The following ANGPT4 variants were observed in gnomAD, a reference collection of about 807,000 sequenced individuals.
ANGPT4 encodes the protein angiopoietin 4.
ANGPT4 carries 50 observed loss-of-function variants against 53.0 expected under a neutral mutation model. The observed-to-expected ratio is 0.94, with a 90% confidence interval of 0.75 to 1.20. ANGPT4 has a LOEUF of 1.20. Among genes scored for constraint, ANGPT4 ranks in the 50% most tolerant of loss-of-function variants. ANGPT4 has a pLI of 0.00. For missense variants in ANGPT4, 648 were observed against 637.1 expected (o/e 1.02, Z -0.18); for synonymous variants, 251 against 259.7 (o/e 0.97, Z 0.32).
Position 909,400 on chromosome 20 carries a change from C to A in ANGPT4, c.309+6506G>T, listed in dbSNP as rs149335648. 8.9e-3 allele frequency among the ~76,000 whole-genome samples: 1,356 copies of A among 152,286 alleles called. 12 individuals are homozygous for A. Among genetic ancestry groups the A allele is most frequent in the African/African-American group, 0.023 (960 of 41,548 alleles). ...ACCCAGGCGATGTGTGTATCATCAC[C>A]TCAATTTTATAGATTGAAAAACTGA... On this transcript the variant is annotated intron_variant, in intron 1 of 8. Coordinates refer to ENST00000381922, the MANE Select transcript of ANGPT4 (RefSeq NM_015985.4).
chr20:878,070 G>C, intron 7 of ANGPT4, 91 bp downstream of exon 7: 1 of 1,401,448 alleles, frequency 7.1e-7, no homozygotes, highest in Non-Finnish European at 9.6e-7. Context: ...CTGACCGTTG[G>C]AGCAGACTCT....
At chr20:898,740 C>T (rs1982156208) in intron 1 of ANGPT4, among the ~76,000 whole-genome samples, 1 of 152,210 alleles carries the variant, frequency 6.6e-6, no homozygotes, top group East Asian at 1.9e-4. Flanking sequence ...CAGCCACATC[C>T]AGCACACAAG....
intron 3 of ANGPT4, 31 bp from the exon 4 acceptor site, chr20:885,356 C>T (rs937778858): frequency 2.8e-5 from 43 of 1,520,222 alleles, no homozygotes; most frequent in Non-Finnish European, 3.7e-5. Context: ...AGAGGTGAGC[C>T]TGGCATCCTC....
rs73078174 is a variant in ANGPT4 at position 883,230 on chromosome 20, C to T, written c.835+1848G>A. On this transcript the variant is annotated intron_variant, in intron 4 of 8. Transcript: ENST00000381922. ...GCCCATCTGACTGCAAAGCCAGTGCCCTTCCTCCTACACATCTTCCTTTGG... is the reference window on the plus strand; with the variant it reads ...GCCCATCTGACTGCAAAGCCAGTGCTCTTCCTCCTACACATCTTCCTTTGG... Among the ~76,000 whole-genome samples the T allele has an allele frequency of 2.3e-3, 348 of 152,352 alleles. 3 individuals are homozygous for T. Among genetic ancestry groups the T allele is most frequent in the Non-Finnish European group, 4.3e-3 (294 of 68,038 alleles).
At chr20:909,098 C>G (rs1202306417) in intron 1 of ANGPT4, among the ~76,000 whole-genome samples, 1 of 152,162 alleles carries the variant, frequency 6.6e-6, no homozygotes. Context: ...ACTCACCTCC[C>G]TCACTTCTTA....
chr20:873,045 A>G lies in ANGPT4; in HGVS notation c.1427T>C (p.Met476Thr), dbSNP rs760787523. 1 of 1,614,112 alleles carries G rather than the reference A, an allele frequency of 6.2e-7. No homozygotes were observed. Among genetic ancestry groups the G allele is most frequent in the South Asian group, 1.1e-5 (1 of 91,084 alleles). Residue 476 changes from methionine (M) to threonine (T), a missense_variant, in exon 9 of 9, where the codon ATG (methionine) becomes ACG (threonine). Transcript: ENST00000381922. The stretch of plus-strand genomic sequence containing the variant: ...GAAGTAGTGCCAGCGGATGCCGTCC[A>G]TCTTGTACTTGTTGTCGGGAGCGTG... ...YYHAPDNKYK[M>T]DGIRWHYFKG...
chr20:905,031 A>AC (rs1395015962), intron 1 of ANGPT4, among the ~76,000 whole-genome samples: 2 of 151,820 alleles, frequency 1.3e-5, no homozygotes, highest in Non-Finnish European at 1.5e-5. Context: ...TGCTTATTGC[A>AC]CCCCCTCCCA....
intron 1 of ANGPT4, among the ~76,000 whole-genome samples, chr20:900,642 A>T (rs1168451780): frequency 6.6e-6 from 1 of 152,222 alleles, no homozygotes; most frequent in Non-Finnish European, 1.5e-5. Flanking sequence ...ATTAATATAA[A>T]AAGACAGGAA....
At chr20:906,327 G>T (rs1982478953) in intron 1 of ANGPT4, among the ~76,000 whole-genome samples, 1 of 152,172 alleles carries the variant, frequency 6.6e-6, no homozygotes, top group African/African-American at 2.4e-5. Context: ...ACCAGCCACA[G>T]GAGGCCGAGC....
rs765025647 is a variant in ANGPT4, at chr20:881,162, C to A, written c.951+9G>T. 7.7e-6 allele frequency: 12 copies of A among 1,558,994 alleles called. No homozygotes were observed. Among genetic ancestry groups the A allele is most frequent in the Non-Finnish European group, 9.5e-6 (11 of 1,152,926 alleles). On this transcript the variant is annotated intron_variant, in intron 5 of 8. Transcript: ENST00000381922. ...TCTAACAGCCACAGTTCCCAGGGAG[C>A]CCCCTAACCTTCCTGGGCTTCGTTG...
intron 1 of ANGPT4, among the ~76,000 whole-genome samples, chr20:901,484 A>G (rs1568851148): frequency 6.6e-6 from 1 of 151,840 alleles, no homozygotes; most frequent in African/African-American, 2.4e-5. Flanking sequence ...GCCCCACCCC[A>G]TCTCCCTTTG....
intron 5 of ANGPT4, among the ~76,000 whole-genome samples, 162 bp from the exon 6 acceptor site, chr20:880,010 T>A (rs1231909567): frequency 2.6e-5 from 4 of 152,180 alleles, no homozygotes; most frequent in African/African-American, 9.7e-5. Flanking sequence ...TCCCCACCCA[T>A]TGTCATCATT....
At position 888,449 on chromosome 20, in the gene ANGPT4, C is replaced by G. The variant is rs941676691; in HGVS notation, c.466-10G>C. On this transcript the variant is annotated splice_polypyrimidine_tract_variant and intron_variant, in intron 2 of 8. Coordinates refer to ENST00000381922, the MANE Select transcript of ANGPT4 (RefSeq NM_015985.4). ...ATGTCTGGTTCAGGAGCTGCCCCAG[C>G]AAGCAGAAGCAGGTAGGGGGCTGCG... 1 of 1,608,610 alleles carries G rather than the reference C, an allele frequency of 6.2e-7. No individual in the cohort carries two copies.
At chr20:894,063 G>C (rs1981952397) in intron 1 of ANGPT4, among the ~76,000 whole-genome samples, 1 of 152,038 alleles carries the variant, frequency 6.6e-6, no homozygotes, top group South Asian at 2.1e-4. Context: ...GGACCCAAAG[G>C]GGGTTGCTGT....
At chr20:907,543 A>G (rs1338607697) in intron 1 of ANGPT4, among the ~76,000 whole-genome samples, 1 of 152,202 alleles carries the variant, frequency 6.6e-6, no homozygotes, top group Non-Finnish European at 1.5e-5. Context: ...GCTTGGCAAC[A>G]TGCTTATTGA....
intron 1 of ANGPT4, among the ~76,000 whole-genome samples, chr20:891,508 C>T (rs1415266104): frequency 6.6e-6 from 1 of 152,198 alleles, no homozygotes; most frequent in African/African-American, 2.4e-5. Flanking sequence ...AGAGCCAGCT[C>T]CCCTCCACCA....
chr20:873,339 C>T (rs1317283412), intron 8 of ANGPT4, among the ~76,000 whole-genome samples: 1 of 152,082 alleles, frequency 6.6e-6, no homozygotes, highest in East Asian at 1.9e-4. Flanking sequence ...GGGGCTCTGG[C>T]CACTCCTCGA....
chr20:915,298 G>A (rs996296208), intron 1 of ANGPT4, among the ~76,000 whole-genome samples: 5 of 151,086 alleles, frequency 3.3e-5, no homozygotes, highest in African/African-American at 9.8e-5. Flanking sequence ...CCTCTCCTCT[G>A]CTCCAGCTAC....
rs1412721503 is a variant in ANGPT4, at chr20:911,142, G to A, written c.309+4764C>T. On this transcript the variant is annotated intron_variant, in intron 1 of 8. Coordinates refer to ENST00000381922, the MANE Select transcript of ANGPT4 (RefSeq NM_015985.4). This position sits in a 1 kb window ranked among gnomAD's most constrained non-coding sequence, Gnocchi z 4.9. ...TGACTCCCAAACCAGGTCAGTTTGG[G>A]AGGGTCTCAGGCTGGGCAAGGACCC... 2.0e-5 allele frequency among the ~76,000 whole-genome samples: 3 copies of A among 152,152 alleles called. No homozygotes were observed. Among genetic ancestry groups the A allele is most frequent in the Non-Finnish European group, 4.4e-5 (3 of 68,020 alleles).
Sources: gnomAD v4.1 joint callset for allele counts (sites outside exome capture counted in the v4.1 genomes callset) on GRCh38, gnomAD v4.1.1 for gene constraint, Gnocchi (gnomAD v3.1) non-coding constraint, MANE v1.5 for transcripts, NCBI Gene and HGNC (gene_info 2026-07-23, HGNC 2026-07-21) for gene names.